GBE1: variants seen among roughly 807,000 people sequenced by gnomAD.
GBE1 encodes 1,4-alpha-glucan-branching enzyme.
In GBE1, 70 loss-of-function variants were observed where a neutral mutation model predicts 88.8. The observed-to-expected ratio is 0.79, with a 90% CI of 0.65 to 0.96. The LOEUF (loss-of-function observed/expected upper bound fraction) is 0.96. Ranked by LOEUF, GBE1 falls within the 40% of genes least tolerant of loss-of-function variation. The pLI, the probability that GBE1 is intolerant of heterozygous loss-of-function variation, is 0.00. For missense variants in GBE1, 872 were observed against 871.0 expected, an observed-to-expected ratio of 1.00 and a Z score of -0.01; for synonymous variants, 284 against 300.1, an observed-to-expected ratio of 0.95 and a Z score of 0.56.
intron 4 of GBE1, among the ~76,000 whole-genome samples, chr3:81,649,511 T>TA (rs1704814712): frequency 7.3e-6 from 1 of 136,402 alleles, no homozygotes; most frequent in African/African-American, 2.7e-5. Context: ...AAATTGTAGT[T>TA]TAAAAAAAAA....
At chr3:81,691,574 C>T (rs1228278927) in intron 2 of GBE1, among the ~76,000 whole-genome samples, 3 of 151,980 alleles carry the variant, frequency 2.0e-5, no homozygotes, top group African/African-American at 4.8e-5. Flanking sequence ...CCCAGGAGTT[C>T]GACACCAGCC....
intron 2 of GBE1, among the ~76,000 whole-genome samples, chr3:81,691,652 G>A (rs1433480790): frequency 2.0e-5 from 3 of 151,986 alleles, no homozygotes; most frequent in East Asian, 1.9e-4. Context: ...GATAGCACAC[G>A]CCTGTAGTCT....
At chr3:81,756,116 C>A (rs1706597901) in intron 1 of GBE1, among the ~76,000 whole-genome samples, 1 of 152,164 alleles carries the variant, frequency 6.6e-6, no homozygotes, top group Non-Finnish European at 1.5e-5. Context: ...CTTGGACACA[C>A]AGCTACAACT....
At chr3:81,606,561 C>T (rs988825454) in intron 7 of GBE1, among the ~76,000 whole-genome samples, 2 of 152,238 alleles carry the variant, frequency 1.3e-5, no homozygotes, top group Non-Finnish European at 2.9e-5. Flanking sequence ...ATTTCAACTA[C>T]TGCCCACTAA....
In GBE1 at chr3:81,720,262, ATATC is replaced by A. The variant is rs1283206035; in HGVS notation, c.144-14653_144-14650del. Among the ~76,000 whole-genome samples the A allele has an allele frequency of 2.0e-5, 3 of 151,770 alleles. No individual in the cohort carries two copies. The East Asian group carries it at 5.8e-4, about 29-fold the overall frequency. Reference sequence around the variant, plus strand: ...TTATAAAAATTCAAGCCTTATATCTATATCTATCTATCTACATATATATCACATT... The same window carrying A: ...TTATAAAAATTCAAGCCTTATATCTATATCTATCTACATATATATCACATT... On this transcript the variant is annotated intron_variant, in intron 1 of 15. Coordinates refer to ENST00000429644, the MANE Select transcript of GBE1 (RefSeq NM_000158.4).
chr3:81,615,728 C>T (rs1235877060), intron 7 of GBE1, among the ~76,000 whole-genome samples: 2 of 152,172 alleles, frequency 1.3e-5, no homozygotes, highest in Non-Finnish European at 2.9e-5. Flanking sequence ...AATAAAGTTA[C>T]AATGAACATT....
At chr3:81,689,309 C>T (rs997610385) in intron 2 of GBE1, among the ~76,000 whole-genome samples, 3 of 152,194 alleles carry the variant, frequency 2.0e-5, no homozygotes, top group Non-Finnish European at 4.4e-5. Context: ...CATCTTTCCT[C>T]ACTCCCATTT....
intron 7 of GBE1, among the ~76,000 whole-genome samples, chr3:81,607,251 T>TA (rs1257110442): frequency 6.6e-6 from 1 of 152,134 alleles, no homozygotes; most frequent in Non-Finnish European, 1.5e-5. Flanking sequence ...AAAGTTTATT[T>TA]AAAAAATAAA....
chr3:81,648,863 TTTGA>T lies in GBE1; in HGVS notation c.680_683del (p.Ile227LysfsTer10). ...ATCACAGTTATTACTTACCAAGGCC[TTTGA>T]TTCTTGGTAGTACATTGCATGTAAA... is the stretch of plus-strand genomic sequence containing the variant. On this transcript the variant is annotated frameshift_variant, in exon 5 of 16. Coordinates refer to ENST00000429644, the MANE Select transcript of GBE1 (RefSeq NM_000158.4). LOFTEE classifies it high-confidence loss of function. 1 of 1,516,424 alleles carries T rather than the reference TTTGA, an allele frequency of 6.6e-7. No homozygotes were observed. The highest frequency in any genetic ancestry group is 8.9e-7 in the Non-Finnish European group (1 of 1,129,042). 93.9% of individuals were successfully genotyped at this position (1,516,424 alleles called of 1,614,324 possible). A position where few individuals can be genotyped will look rare whatever the true frequency, so the allele number is the denominator to read the frequency against.
At chr3:81,702,878 C>A (rs552510949) in intron 2 of GBE1, among the ~76,000 whole-genome samples, 12 of 151,904 alleles carry the variant, frequency 7.9e-5, no homozygotes, top group Admixed American at 5.9e-4. Context: ...ACACACACAG[C>A]GCAACTTTTA....
chr3:81,570,923 T>A (rs971547085), intron 12 of GBE1, among the ~76,000 whole-genome samples: 1 of 152,196 alleles, frequency 6.6e-6, no homozygotes, highest in Non-Finnish European at 1.5e-5. Flanking sequence ...CCATGTTTAT[T>A]TTCTACCAAG....
At chr3:81,703,988 CA>C (rs1705737149) in intron 2 of GBE1, among the ~76,000 whole-genome samples, 1 of 151,916 alleles carries the variant, frequency 6.6e-6, no homozygotes, top group African/African-American at 2.4e-5. Context: ...AGTTGTAGAA[CA>C]AGTTCCCCAT....
chr3:81,648,456 T>C (rs1212488985), intron 5 of GBE1, among the ~76,000 whole-genome samples: 1 of 152,096 alleles, frequency 6.6e-6, no homozygotes, highest in Non-Finnish European at 1.5e-5. Context: ...AAATAACTGA[T>C]ACAAAATGAG....
chr3:81,606,774 C>G (rs1007059352), intron 7 of GBE1, among the ~76,000 whole-genome samples: 7 of 152,278 alleles, frequency 4.6e-5, no homozygotes, highest in East Asian at 1.9e-4. Context: ...AACCATATCA[C>G]TTTTGGTTAT....
intron 1 of GBE1, among the ~76,000 whole-genome samples, chr3:81,738,147 T>C (rs1706295978): frequency 6.6e-6 from 1 of 151,660 alleles, no homozygotes; most frequent in Admixed American, 6.6e-5. Context: ...TAATCCAGTC[T>C]ATCATTGTTG....
intron 15 of GBE1, among the ~76,000 whole-genome samples, chr3:81,496,943 G>C (rs780551410): frequency 3.3e-5 from 5 of 152,224 alleles, no homozygotes; most frequent in African/African-American, 1.2e-4. Context: ...CTTATCTCAC[G>C]GCTGTGTTGG....
intron 1 of GBE1, among the ~76,000 whole-genome samples, chr3:81,717,639 G>C (rs554809257): frequency 2.6e-4 from 40 of 152,262 alleles, no homozygotes; most frequent in African/African-American, 9.1e-4. Flanking sequence ...TAAGATACTA[G>C]CAATGTGACC....
chr3:81,534,118 C>T (rs1247006872), intron 14 of GBE1, among the ~76,000 whole-genome samples: 1 of 151,906 alleles, frequency 6.6e-6, no homozygotes, highest in Non-Finnish European at 1.5e-5. Context: ...GTGGCAGATG[C>T]TAATCATTGT....
At chr3:81,684,489 T>C (rs1175934620) in intron 2 of GBE1, among the ~76,000 whole-genome samples, 1 of 152,204 alleles carries the variant, frequency 6.6e-6, no homozygotes, top group Non-Finnish European at 1.5e-5. Context: ...TTGTCTCACA[T>C]GGTGGAAACA....
Sources: gnomAD v4.1 joint callset for allele counts (sites outside exome capture counted in the v4.1 genomes callset) on GRCh38, gnomAD v4.1.1 for gene constraint, MANE v1.5 for transcripts, NCBI Gene and HGNC (gene_info 2026-07-23, HGNC 2026-07-21) for gene names.